SASH1: variants seen among roughly 807,000 people sequenced by gnomAD.
SASH1 encodes the protein SAM and SH3 domain containing 1, also known as SAM and SH3 domain-containing protein 1.
Under a neutral mutation model 125.2 loss-of-function variants are expected in SASH1, and 44 were observed. The observed-to-expected ratio is 0.35, with a 90% CI of 0.28 to 0.45. The LOEUF is 0.45. SASH1 is among the 20% of genes least tolerant of loss of function. The pLI is 1.00. For synonymous variants in SASH1, 639 were observed against 649.1 expected, an observed-to-expected ratio of 0.98 and a Z score of 0.24; for missense variants, 1,426 against 1,614.5, an observed-to-expected ratio of 0.88 and a Z score of 2.00.
chr6:148,258,738 C>G, the SASH1 span, among the ~76,000 whole-genome samples: 1 of 152,230 alleles, frequency 6.6e-6, no homozygotes. Context: ...ATAGTTTTCA[C>G]TGCCTACTGA....
intron 1 of SASH1, among the ~76,000 whole-genome samples, chr6:148,298,663 G>A (rs184983431): frequency 6.7e-5 from 6 of 90,162 alleles, no homozygotes; most frequent in African/African-American, 1.7e-4. Context: ...GGGAGGGAGG[G>A]AGGGAGGAAG....
chr6:148,503,325 G>T (rs1450427429), intron 8 of SASH1, among the ~76,000 whole-genome samples: 1 of 150,084 alleles, frequency 6.7e-6, no homozygotes, highest in Non-Finnish European at 1.5e-5. Flanking sequence ...AAAAAAAAAA[G>T]AATGTGTTAG....
chr6:148,396,231 C>T (rs959284691), intron 2 of SASH1, among the ~76,000 whole-genome samples: 1 of 152,094 alleles, frequency 6.6e-6, no homozygotes, highest in Non-Finnish European at 1.5e-5. Flanking sequence ...GTAATCCCAG[C>T]ACTTTGGGAG....
chr6:148,438,365 T>A (rs1214893067), intron 2 of SASH1, among the ~76,000 whole-genome samples: 1 of 152,226 alleles, frequency 6.6e-6, no homozygotes, highest in African/African-American at 2.4e-5. Flanking sequence ...CAAAAGTATA[T>A]ATCCCCTTTG....
chr6:148,416,072 C>G (rs933711128), intron 2 of SASH1, among the ~76,000 whole-genome samples: 1 of 152,200 alleles, frequency 6.6e-6, no homozygotes, highest in Non-Finnish European at 1.5e-5. Context: ...GAAAAGCTGG[C>G]CTTTGTCTTA....
At chr6:148,423,767 A>G (rs774378913) in intron 2 of SASH1, among the ~76,000 whole-genome samples, 1 of 152,182 alleles carries the variant, frequency 6.6e-6, no homozygotes, top group East Asian at 1.9e-4. Context: ...TGGTCAGGAA[A>G]CACTCGTTGA....
At chr6:148,341,235 T>A (rs993892106), upstream of SASH1, among the ~76,000 whole-genome samples, 2 of 151,592 alleles carry the variant, frequency 1.3e-5, no homozygotes, top group Non-Finnish European at 2.9e-5. Context: ...AACCTTCGCC[T>A]CCTGGGTTCA....
chr6:148,541,871 C>T (rs1782241298), intron 17 of SASH1, among the ~76,000 whole-genome samples: 2 of 152,184 alleles, frequency 1.3e-5, no homozygotes, highest in Admixed American at 1.3e-4. Flanking sequence ...GATAGTAGTT[C>T]TCCCCAAACT....
At chr6:148,198,543 A>G in the SASH1 span, among the ~76,000 whole-genome samples, 2 of 152,244 alleles carry the variant, frequency 1.3e-5, no homozygotes, top group Non-Finnish European at 2.9e-5. Context: ...TGTGCTACAT[A>G]CAGGAAAAAG....
At chr6:148,310,959 T>C (rs796412805) in intron 1 of SASH1, among the ~76,000 whole-genome samples, 25 of 152,282 alleles carry the variant, frequency 1.6e-4, no homozygotes, top group African/African-American at 6.0e-4. Context: ...TGTTTTGTTT[T>C]TTTGAGCTAG....
the SASH1 span, among the ~76,000 whole-genome samples, chr6:148,217,285 A>T: frequency 2.0e-5 from 3 of 152,212 alleles, no homozygotes; most frequent in Admixed American, 1.3e-4. Flanking sequence ...CTTGTCCTTA[A>T]CACAGTGACA....
chr6:148,280,064 C>A (rs1365561916), intron 1 of SASH1, among the ~76,000 whole-genome samples: 2 of 72,904 alleles, frequency 2.7e-5, no homozygotes, highest in African/African-American at 1.0e-4. Flanking sequence ...ATCATTCCCC[C>A]CCATCATTCC....
At chr6:148,504,859 G>T (rs2115282448) in intron 8 of SASH1, among the ~76,000 whole-genome samples, 1 of 152,232 alleles carries the variant, frequency 6.6e-6, no homozygotes, top group South Asian at 2.1e-4. Context: ...TCCCTGAGAG[G>T]CGTGGCAGTG....
chr6:148,213,585 T>C, the SASH1 span, among the ~76,000 whole-genome samples: 1 of 142,668 alleles, frequency 7.0e-6, no homozygotes, highest in Non-Finnish European at 1.6e-5. Context: ...ATTATTCTCA[T>C]TTCTCAAGAA....
chr6:148,507,890 T>C (rs769295665), intron 8 of SASH1, among the ~76,000 whole-genome samples: 7 of 152,220 alleles, frequency 4.6e-5, no homozygotes, highest in Non-Finnish European at 1.0e-4. Context: ...TGAATGAACT[T>C]AGCCCTGAAA....
chr6:148,530,742 A>G (rs941045885), intron 12 of SASH1, among the ~76,000 whole-genome samples: 2 of 152,238 alleles, frequency 1.3e-5, no homozygotes, highest in Non-Finnish European at 2.9e-5. Flanking sequence ...GATATCGTCT[A>G]TTGATGTAGC....
intron 1 of SASH1, among the ~76,000 whole-genome samples, chr6:148,387,632 CTTTCT>C (rs1783493429): frequency 2.7e-5 from 1 of 37,238 alleles, no homozygotes; most frequent in East Asian, 4.3e-4. Context: ...TTCTTTCTTT[CTTTCT>C]TTCTTTCTTT....
chr6:148,414,432 T>G (rs1784742450), intron 2 of SASH1, among the ~76,000 whole-genome samples: 1 of 152,082 alleles, frequency 6.6e-6, no homozygotes, highest in Non-Finnish European at 1.5e-5. Flanking sequence ...AGCTATGTGA[T>G]TATGAGCAAG....
At chr6:148,484,129 G>A (rs1293290531) in intron 7 of SASH1, among the ~76,000 whole-genome samples, 4 of 152,094 alleles carry the variant, frequency 2.6e-5, no homozygotes, top group Non-Finnish European at 5.9e-5. Context: ...AGTGGATTTC[G>A]GTTTAATATA....
Sources: allele counts gnomAD v4.1 joint callset (sites outside exome capture counted in the v4.1 genomes callset), GRCh38; gene constraint gnomAD v4.1.1; transcripts MANE v1.5; gene names NCBI Gene and HGNC (gene_info 2026-07-23, HGNC 2026-07-21).